The following YPEL2 variants were observed in gnomAD, a reference collection of about 807,000 sequenced individuals.
YPEL2 encodes the protein yippee like 2, also known as protein yippee-like 2.
In YPEL2, 2 loss-of-function variants were observed where a neutral mutation model predicts 19.1. The ratio of observed to expected loss-of-function variants is 0.10; its 90% CI spans 0.04 to 0.33. YPEL2 has a LOEUF of 0.33. Ranked by LOEUF, YPEL2 falls within the 10% of genes least tolerant of loss-of-function variation. YPEL2 has a pLI of 1.00. For synonymous variants in YPEL2, 52 were observed against 50.0 expected (o/e 1.04, Z -0.17); for missense variants, 66 against 140.7 (o/e 0.47, Z 2.68).
Position 59,395,574 on chromosome 17 carries a change from G to T in YPEL2, c.271-1527G>T, listed in dbSNP as rs185592539. Among the ~76,000 whole-genome samples the T allele has an allele frequency of 5.9e-5, 9 of 152,316 alleles. No individual in the cohort carries two copies. The South Asian group carries it at 1.5e-3, about 25-fold the overall frequency. ...GGTTTAGAAAAGTCACCTGCCAGGTGGTTAGTATGACGTTCTCCCTCTGGG... is the reference window on the plus strand; with the variant it reads ...GGTTTAGAAAAGTCACCTGCCAGGTTGTTAGTATGACGTTCTCCCTCTGGG... On this transcript the variant is annotated intron_variant, in intron 4 of 4. Transcript: ENST00000312655.
intron 1 of YPEL2, among the ~76,000 whole-genome samples, chr17:59,337,320 T>C (rs1330494477): frequency 2.0e-5 from 3 of 151,722 alleles, no homozygotes; most frequent in Non-Finnish European, 4.4e-5. Context: ...CCCGAGTAGC[T>C]GGGACTACAG....
chr17:59,393,830 G>T (rs1361784515), intron 4 of YPEL2, among the ~76,000 whole-genome samples: 2 of 151,256 alleles, frequency 1.3e-5, no homozygotes, highest in Admixed American at 6.6e-5. Flanking sequence ...AGGGTTGGGG[G>T]TAAGGTCATA....
At chr17:59,341,011 G>A (rs535030185) in intron 1 of YPEL2, among the ~76,000 whole-genome samples, 3 of 146,300 alleles carry the variant, frequency 2.1e-5, no homozygotes, top group South Asian at 2.3e-4. Context: ...CACCGCACCC[G>A]GCTGTTTTGC....
intron 2 of YPEL2, among the ~76,000 whole-genome samples, chr17:59,369,289 T>G (rs1043914583): frequency 3.3e-5 from 5 of 152,202 alleles, no homozygotes; most frequent in Non-Finnish European, 7.3e-5. Context: ...CTTTATGTAT[T>G]TAGAGAATCA....
intron 2 of YPEL2, among the ~76,000 whole-genome samples, chr17:59,383,465 G>A (rs2047960267): frequency 6.7e-6 from 1 of 148,988 alleles, no homozygotes; most frequent in African/African-American, 2.5e-5. Context: ...GGGCGTGGTG[G>A]TGGGTGCCTG....
At chr17:59,351,161 T>G (rs188805726) in intron 1 of YPEL2, among the ~76,000 whole-genome samples, 3 of 152,088 alleles carry the variant, frequency 2.0e-5, no homozygotes, top group African/African-American at 4.8e-5. Flanking sequence ...GATCACCTGA[T>G]GTCAGGAGTT....
At chr17:59,372,310 G>A (rs1297596551) in intron 2 of YPEL2, among the ~76,000 whole-genome samples, 1 of 152,230 alleles carries the variant, frequency 6.6e-6, no homozygotes, top group Non-Finnish European at 1.5e-5. Flanking sequence ...ATGGCTGATA[G>A]CAAATGCTAG....
intron 2 of YPEL2, among the ~76,000 whole-genome samples, chr17:59,367,010 A>G (rs1868916): frequency 0.94 from 142,623 of 152,282 alleles, 66,900 homozygotes; most frequent in East Asian, 1. Flanking sequence ...AAGGAAAGCC[A>G]ATAAGATAAG....
intron 2 of YPEL2, among the ~76,000 whole-genome samples, chr17:59,378,748 CCA>C (rs2047934662): frequency 1.3e-5 from 2 of 152,174 alleles, no homozygotes; most frequent in Admixed American, 1.3e-4. Flanking sequence ...TTTTATGACT[CCA>C]CACAGCAGAT....
chr17:59,379,117 T>A (rs1307561855), intron 2 of YPEL2, among the ~76,000 whole-genome samples: 1 of 152,218 alleles, frequency 6.6e-6, no homozygotes, highest in East Asian at 1.9e-4. Context: ...ATGGAATAAA[T>A]CCCCTTCAGT....
Position 59,369,734 on chromosome 17 carries a change from G to A in YPEL2, c.117+16208G>A, listed in dbSNP as rs573456362. On this transcript the variant is annotated intron_variant, in intron 2 of 4. Coordinates refer to ENST00000312655, the MANE Select transcript of YPEL2 (RefSeq NM_001005404.4). ...GATACACGTGCTGTCCCTAATGTCC[G>A]CTGCCTGCCATCCAGCACTTTACAC... 7.0e-4 allele frequency among the ~76,000 whole-genome samples: 107 copies of A among 152,336 alleles called. 4 individuals carry two copies. In the South Asian group the frequency reaches 0.021, roughly 30 times the overall value.
chr17:59,370,345 G>A (rs2147947992), intron 2 of YPEL2, among the ~76,000 whole-genome samples: 1 of 152,300 alleles, frequency 6.6e-6, no homozygotes, highest in African/African-American at 2.4e-5. Flanking sequence ...TTACAGGTGG[G>A]AGCCACTGCG....
At chr17:59,342,404 G>A (rs975757080) in intron 1 of YPEL2, among the ~76,000 whole-genome samples, 15 of 152,226 alleles carry the variant, frequency 9.9e-5, no homozygotes, top group African/African-American at 3.1e-4. Flanking sequence ...GCCTGACTTA[G>A]TTGGGGCTGG....
Position 59,398,247 on chromosome 17 carries a change from AGGTTC to A in YPEL2, c.*1061_*1065del, listed in dbSNP as rs1405089392. ...GAGGGGTTTACATTGGAACCAGTTCAGGTTCGGTGCATCTTTCCTCTTCGGTTTTA... is the reference window on the plus strand; with the variant it reads ...GAGGGGTTTACATTGGAACCAGTTCAGGTGCATCTTTCCTCTTCGGTTTTA... On this transcript the variant is annotated 3_prime_UTR_variant, in exon 5 of 5. Transcript: ENST00000312655. The A allele has an allele frequency of 6.6e-6, 1 of 152,264 alleles. No individual in the cohort carries two copies. The highest frequency in any genetic ancestry group is 1.5e-5 in the Non-Finnish European group (1 of 68,080). The allele number at this position is 152,264 out of a possible 1,614,324, so 9.4% of individuals were successfully genotyped here. A position where few individuals can be genotyped will look rare whatever the true frequency, so the allele number is the denominator to read the frequency against.
At chr17:59,361,051 C>T (rs1409006185) in intron 2 of YPEL2, among the ~76,000 whole-genome samples, 10 of 152,108 alleles carry the variant, frequency 6.6e-5, no homozygotes, top group East Asian at 1.9e-4. Context: ...AGCCTGGTCT[C>T]GACCTCCTGA....
intron 1 of YPEL2, among the ~76,000 whole-genome samples, chr17:59,352,797 T>C: frequency 6.6e-6 from 1 of 152,208 alleles, no homozygotes; most frequent in Non-Finnish European, 1.5e-5. Context: ...GTGTGACTGT[T>C]GGATGTGGTG....
intron 1 of YPEL2, among the ~76,000 whole-genome samples, chr17:59,342,492 T>A (rs920224886): frequency 1.3e-5 from 2 of 152,190 alleles, no homozygotes; most frequent in African/African-American, 2.4e-5. Flanking sequence ...TTCCAAGACC[T>A]TCTTTTCTTC....
chr17:59,397,045 AT>A, intron 4 of YPEL2, 55 bp from the exon 5 acceptor site: 1 of 1,395,752 alleles, frequency 7.2e-7, no homozygotes, highest in East Asian at 2.4e-5. Flanking sequence ...GAAAAAAAAA[AT>A]CATTTTCTTG....
At chr17:59,392,538 T>C (rs1245384396) in intron 4 of YPEL2, among the ~76,000 whole-genome samples, 2 of 127,930 alleles carry the variant, frequency 1.6e-5, no homozygotes, top group Non-Finnish European at 1.6e-5. Context: ...TGAGATGGAG[T>C]CTCACTCTGT....
Sources: allele counts gnomAD v4.1 joint callset (sites outside exome capture counted in the v4.1 genomes callset), GRCh38; gene constraint gnomAD v4.1.1; transcripts MANE v1.5; gene names NCBI Gene and HGNC (gene_info 2026-07-23, HGNC 2026-07-21).